Variants in TECPR1 observed in about 807,000 individuals in gnomAD.
The protein encoded by TECPR1 is tectonin beta-propeller repeat-containing protein 1.
A neutral mutation model predicts 162.4 loss-of-function variants in TECPR1; 122 were observed. The ratio of observed to expected loss-of-function variants is 0.75; its 90% CI spans 0.65 to 0.87. TECPR1 has a LOEUF of 0.87. Ranked by LOEUF, TECPR1 falls within the 40% of genes least tolerant of loss-of-function variation. TECPR1 has a pLI of 0.00. For missense variants in TECPR1, 1,432 were observed against 1,618.2 expected (o/e 0.88, Z 1.97); for synonymous variants, 642 against 670.6 (o/e 0.96, Z 0.66).
At position 98,237,215 on chromosome 7, in the gene TECPR1, C is replaced by T. The variant is rs17169475; in HGVS notation, c.1036-294G>A. Reference sequence around the variant, plus strand: ...CGCTGTGTTAGGAAATGAGGTTCACCTGCCTCCCTGTCTTGCGTGTGCCCT... The same window carrying T: ...CGCTGTGTTAGGAAATGAGGTTCACTTGCCTCCCTGTCTTGCGTGTGCCCT... On this transcript the variant is annotated intron_variant, in intron 9 of 25. Transcript: ENST00000447648. Among the ~76,000 whole-genome samples, 989 of 152,220 alleles carry T rather than the reference C, an allele frequency of 6.5e-3. 15 individuals are homozygous for T. Among genetic ancestry groups the T allele is most frequent in the African/African-American group, 0.023 (954 of 41,546 alleles).
intron 16 of TECPR1, chr7:98,228,437 C>CA: frequency 1.2e-5 from 4 of 343,926 alleles, no homozygotes; most frequent in Admixed American, 3.8e-5. Context: ...ATGAGGCCCA[C>CA]CCAGCTCACT....
chr7:98,221,118 A>G (rs1177091523), intron 23 of TECPR1, among the ~76,000 whole-genome samples: 1 of 151,398 alleles, frequency 6.6e-6, no homozygotes, highest in Non-Finnish European at 1.5e-5. Context: ...CCTGGCCAAT[A>G]TGGTGAAACC....
intron 2 of TECPR1, among the ~76,000 whole-genome samples, chr7:98,247,281 A>G (rs4727390): frequency 0.46 from 69,293 of 151,470 alleles, 16,311 homozygotes; most frequent in East Asian, 0.71. Context: ...ACAACAACAG[A>G]CATGCACCAC....
rs537302805 is a variant in TECPR1 at position 98,232,142 on chromosome 7, G to A, written c.1819-183C>T. On this transcript the variant is annotated intron_variant, in intron 12 of 25. Coordinates refer to ENST00000447648, the MANE Select transcript of TECPR1 (RefSeq NM_015395.3). The surrounding 1 kb of genome is among the most constrained non-coding windows in gnomAD (Gnocchi z 4.6). ...AGTGACGCTGCCGGACACCCAATAG[G>A]TGCAGGCTGAGCCAGGGCTGTTCCG... 2.0e-5 allele frequency among the ~76,000 whole-genome samples: 3 copies of A among 152,130 alleles called. No individual in the cohort carries two copies. The highest frequency in any genetic ancestry group is 4.4e-5 in the Non-Finnish European group (3 of 68,020).
At position 98,233,439 on chromosome 7, in the gene TECPR1, A is replaced by T; in HGVS notation, c.1654T>A (p.Trp552Arg). The part of the protein sequence containing the change: ...CVVEACAMPR[W>R]FTVQAGLSSS... ...CCCTTACCCGCCTGGACAGTGAACC[A>T]TCTGGGCATGGCACATGCCTCCACC... The change falls in exon 11 of 26, where the codon TGG becomes AGG. Residue 552 changes from tryptophan (W) to arginine (R), a missense_variant. Coordinates refer to ENST00000447648, the MANE Select transcript of TECPR1 (RefSeq NM_015395.3). 2 of 1,459,770 alleles carry T rather than the reference A, an allele frequency of 1.4e-6. No homozygotes were observed. The highest frequency in any genetic ancestry group is 1.8e-6 in the Non-Finnish European group (2 of 1,105,560). The allele number at this position is 1,459,770 out of a possible 1,614,324, so 90.4% of individuals were successfully genotyped here. A position where few individuals can be genotyped will look rare whatever the true frequency, so the allele number is the denominator to read the frequency against.
intron 15 of TECPR1, among the ~76,000 whole-genome samples, chr7:98,230,735 C>T (rs973399230): frequency 4.3e-4 from 65 of 152,194 alleles, no homozygotes; most frequent in African/African-American, 1.2e-3. Context: ...GGCTGCTGGG[C>T]GGCACTGACC....
chr7:98,221,870 T>C, intron 22 of TECPR1, 117 bp from the exon 23 acceptor site: 1 of 765,350 alleles, frequency 1.3e-6, no homozygotes, highest in Admixed American at 2.6e-5. Flanking sequence ...GTCAGCTGTG[T>C]GCCACACAGA....
At chr7:98,229,367 G>T (rs139708368) in intron 15 of TECPR1, among the ~76,000 whole-genome samples, 27 of 152,294 alleles carry the variant, frequency 1.8e-4, no homozygotes, top group African/African-American at 6.3e-4. Context: ...GAGGTGCAGG[G>T]TCTCGGCACT....
Position 98,223,655 on chromosome 7 carries a change from G to A in TECPR1, c.2747+7C>T, listed in dbSNP as rs1453892827. 6.2e-7 allele frequency: 1 copy of A among 1,613,606 alleles called. No homozygotes were observed. The highest frequency in any genetic ancestry group is 1.7e-5 in the Admixed American group (1 of 59,994). ...ACCGTGACAGTCACCCTGCAGCCCT[G>A]CCTCACCTGGCCCAGCACCTCCTCC... is the stretch of plus-strand genomic sequence containing the variant. On this transcript the variant is annotated splice_region_variant and intron_variant, in intron 20 of 25. Coordinates refer to ENST00000447648, the MANE Select transcript of TECPR1 (RefSeq NM_015395.3).
intron 13 of TECPR1, 90 bp downstream of exon 13, chr7:98,231,714 C>A (rs1420925836): frequency 6.7e-7 from 1 of 1,493,188 alleles, no homozygotes; most frequent in Non-Finnish European, 9.1e-7. Flanking sequence ...TGTACCCCTC[C>A]CCTGGGCACC....
chr7:98,234,875 T>G (rs1584343135), intron 10 of TECPR1, among the ~76,000 whole-genome samples: 1 of 152,028 alleles, frequency 6.6e-6, no homozygotes, highest in East Asian at 1.9e-4. Flanking sequence ...AGCACCCAGA[T>G]AATTTTTTAA....
At chr7:98,231,461 C>T in intron 13 of TECPR1, 88 bp from the exon 14 acceptor site, 2 of 1,423,660 alleles carry the variant, frequency 1.4e-6, no homozygotes, top group Non-Finnish European at 1.9e-6. Flanking sequence ...ACCCTGGGAC[C>T]CTGGCCCTCG....
chr7:98,217,365 C>G lies in TECPR1; in HGVS notation c.*25G>C, dbSNP rs540284492. On this transcript the variant is annotated 3_prime_UTR_variant, in exon 26 of 26. Coordinates refer to ENST00000447648, the MANE Select transcript of TECPR1 (RefSeq NM_015395.3). ...TGATCCCCCAAACTGGGCACCGTCC[C>G]TGCATGTAGGTGTGTGGGGGGGCCT... The G allele has an allele frequency of 1.4e-6, 2 of 1,416,950 alleles. No homozygotes were observed. The highest frequency in any genetic ancestry group is 2.8e-5 in the African/African-American group (2 of 71,278). The allele number at this position is 1,416,950 out of a possible 1,614,324, so 87.8% of individuals were successfully genotyped here.
Position 98,240,881 on chromosome 7 carries a change from G to A in TECPR1, c.903C>T (p.Ser301=), listed in dbSNP as rs367908985. 178 of 1,577,166 alleles carry A rather than the reference G, an allele frequency of 1.1e-4. No individual in the cohort carries two copies. The highest frequency in any genetic ancestry group is 1.5e-4 in the Non-Finnish European group (170 of 1,165,158). ...AGTCCTTGGTGACAGCCCAGACCAC[G>A]CTGACTCCCACCGAGATGTGCATGA... is the stretch of plus-strand genomic sequence containing the variant. ...NGVMHISVGV[S]VVWAVTKDWK... Residue 301 remains serine, a synonymous_variant, in exon 8 of 26, where the codon AGC becomes AGT. Transcript: ENST00000447648.
intron 8 of TECPR1, 47 bp from the exon 9 acceptor site, chr7:98,238,657 C>T: frequency 1.3e-6 from 2 of 1,482,974 alleles, no homozygotes; most frequent in Non-Finnish European, 1.8e-6. Context: ...GCCACTGAAA[C>T]AGACGGTTCG....
intron 20 of TECPR1, 94 bp downstream of exon 20, chr7:98,223,568 G>A: frequency 7.4e-7 from 1 of 1,358,768 alleles, no homozygotes; most frequent in Non-Finnish European, 1.0e-6. Flanking sequence ...CAGAGGCCAG[G>A]AGATCTGGCC....
In TECPR1 at chr7:98,236,938, G is replaced by A. The variant is rs1305749648; in HGVS notation, c.1036-17C>T. On this transcript the variant is annotated splice_polypyrimidine_tract_variant and intron_variant, in intron 9 of 25. Coordinates refer to ENST00000447648, the MANE Select transcript of TECPR1 (RefSeq NM_015395.3). The stretch of plus-strand genomic sequence containing the variant: ...GCCCCACACCTGGAAGAGAGAGGCT[G>A]TGTTCCGAGGAATCTGGGCGCAGGC... The A allele has an allele frequency of 3.9e-6, 6 of 1,522,034 alleles. No homozygotes were observed. The highest frequency in any genetic ancestry group is 4.4e-6 in the Non-Finnish European group (5 of 1,132,278). The allele number at this position is 1,522,034 out of a possible 1,614,324, so 94.3% of individuals were successfully genotyped here.
intron 9 of TECPR1, 120 bp from the exon 10 acceptor site, chr7:98,237,041 G>A (rs2116597189): frequency 8.8e-7 from 1 of 1,136,192 alleles, no homozygotes; most frequent in Non-Finnish European, 1.2e-6. Flanking sequence ...GGGCTGGGAA[G>A]GTCCATGCTG....
chr7:98,234,187 C>T (rs967841704), intron 10 of TECPR1, among the ~76,000 whole-genome samples: 12 of 152,248 alleles, frequency 7.9e-5, no homozygotes, highest in Non-Finnish European at 8.8e-5. Flanking sequence ...CGGAGTCTCA[C>T]TGTCATCCAG....
Sources: gnomAD v4.1 joint callset for allele counts (sites outside exome capture counted in the v4.1 genomes callset) on GRCh38, gnomAD v4.1.1 for gene constraint, Gnocchi (gnomAD v3.1) non-coding constraint, MANE v1.5 for transcripts, NCBI Gene and HGNC (gene_info 2026-07-23, HGNC 2026-07-21) for gene names.